Variants in FRMD1 observed in about 807,000 individuals in gnomAD.
FRMD1 encodes FERM domain containing 1, also known as FERM domain-containing protein 1.
In FRMD1, 51 loss-of-function variants were observed where a neutral mutation model predicts 54.9. That is an observed-to-expected ratio of 0.93 (90% CI 0.74 to 1.17). The LOEUF is 1.17. FRMD1 is among the 50% of genes most tolerant of loss of function. FRMD1 has a pLI of 0.00. For missense variants in FRMD1, 729 were observed against 743.0 expected, an observed-to-expected ratio of 0.98 and a Z score of 0.22; for synonymous variants, 324 against 306.4, an observed-to-expected ratio of 1.06 and a Z score of -0.60.
Position 168,066,737 on chromosome 6 carries a change from C to T in FRMD1, c.461+18G>A, listed in dbSNP as rs769538681. 8.1e-6 allele frequency: 13 copies of T among 1,605,970 alleles called. 1 individual carries two copies. The South Asian group carries it at 1.5e-4, about 18-fold the overall frequency. ...TCAGTATTCCAGGAAACACCCCTTA[C>T]AGTCCGCATGCCGTTACCTTATGAC... On this transcript the variant is annotated intron_variant, in intron 4 of 10. Transcript: ENST00000283309.
At chr6:168,071,925 G>A (rs1421818291) in intron 2 of FRMD1, among the ~76,000 whole-genome samples, 2 of 152,196 alleles carry the variant, frequency 1.3e-5, no homozygotes, top group East Asian at 1.9e-4. Flanking sequence ...CCTGCCTCCC[G>A]GGCCTCCCCA....
At chr6:168,074,517 T>C (rs1281623998) in intron 2 of FRMD1, among the ~76,000 whole-genome samples, 1 of 142,276 alleles carries the variant, frequency 7.0e-6, no homozygotes, top group African/African-American at 2.6e-5. Flanking sequence ...ATGTGTGTGG[T>C]GTATGTATGT....
At chr6:168,083,355 T>C (rs939579401), upstream of FRMD1, among the ~76,000 whole-genome samples, 2 of 152,282 alleles carry the variant, frequency 1.3e-5, no homozygotes, top group Admixed American at 1.3e-4. Context: ...TTATTTATCT[T>C]AGCAGCAGGA....
upstream of FRMD1, chr6:168,081,194 G>T: frequency 1.6e-6 from 1 of 614,242 alleles, no homozygotes; most frequent in Non-Finnish European, 2.5e-6. Context: ...CTGAAAACGT[G>T]CTGAGGCTCC....
intron 3 of FRMD1, chr6:168,067,060 C>A (rs776291672): frequency 1.4e-6 from 1 of 719,320 alleles, no homozygotes; most frequent in South Asian, 1.5e-5. Context: ...GGGCTTCGGG[C>A]GGGCACACCT....
Position 168,062,925 on chromosome 6 carries a change from C to T in FRMD1, c.839G>A (p.Gly280Glu), listed in dbSNP as rs1159797835. ...KKEGRPTVILGLALRGVHIYQ... is the reference protein window; with the variant it reads ...KKEGRPTVILELALRGVHIYQ... The stretch of plus-strand genomic sequence containing the variant: ...GATGTGCACTCCCCTGAGGGCCAGT[C>T]CCAGGATCACGGTGGGACGACCTTC... The change falls in exon 7 of 11, where the codon GGA becomes GAA. Residue 280 changes from glycine to glutamate, a missense_variant. Gly to Glu is a moderately conservative substitution (Grantham distance 98). Coordinates refer to ENST00000283309, the MANE Select transcript of FRMD1 (RefSeq NM_024919.6). The T allele has an allele frequency of 6.2e-7, 1 of 1,613,974 alleles. No individual in the cohort carries two copies. The highest frequency in any genetic ancestry group is 8.5e-7 in the Non-Finnish European group (1 of 1,179,956).
intron 1 of FRMD1, among the ~76,000 whole-genome samples, chr6:168,089,336 C>T (rs6907103): frequency 0.51 from 76,987 of 152,074 alleles, 20,252 homozygotes; most frequent in South Asian, 0.71. Flanking sequence ...TTTTAGAGAA[C>T]GTTTTTGTGG....
At chr6:168,076,566 G>A (rs1274518363) in intron 1 of FRMD1, among the ~76,000 whole-genome samples, 1 of 152,184 alleles carries the variant, frequency 6.6e-6, no homozygotes, top group Non-Finnish European at 1.5e-5. Flanking sequence ...CCTTCGCTGG[G>A]CACTCATTCT....
chr6:168,065,574 C>T, intron 4 of FRMD1: 1 of 987,128 alleles, frequency 1.0e-6, no homozygotes, highest in Non-Finnish European at 1.2e-6. Flanking sequence ...CGAACTGGCC[C>T]CATAGCACCA....
rs750208110 is a variant in FRMD1, at chr6:168,061,073, A to T, written c.1046-16T>A. Reference sequence around the variant, plus strand: ...TGCTGCTTCTCTGTGGGGAGTGGGGAGCACAGTGAGGGCGAGCTGGAGAGG... The same window carrying T: ...TGCTGCTTCTCTGTGGGGAGTGGGGTGCACAGTGAGGGCGAGCTGGAGAGG... On this transcript the variant is annotated splice_polypyrimidine_tract_variant and intron_variant, in intron 8 of 10. Transcript: ENST00000283309. The T allele has an allele frequency of 1.9e-5, 31 of 1,598,640 alleles. No individual in the cohort carries two copies. The Middle Eastern group carries it at 5.1e-4, about 26-fold the overall frequency.
At chr6:168,081,060 C>T (rs1800815379), upstream of FRMD1, among the ~76,000 whole-genome samples, 1 of 152,178 alleles carries the variant, frequency 6.6e-6, no homozygotes, top group Non-Finnish European at 1.5e-5. Flanking sequence ...TCCTTCCCAC[C>T]CAGAGTCTCA....
At chr6:168,088,360 G>C (rs1449710046) in intron 1 of FRMD1, among the ~76,000 whole-genome samples, 3 of 152,168 alleles carry the variant, frequency 2.0e-5, no homozygotes, top group African/African-American at 4.8e-5. Flanking sequence ...AGAAACTGCG[G>C]GCGGGGGAGT....
intron 5 of FRMD1, 110 bp from the exon 6 acceptor site, chr6:168,063,866 T>G: frequency 3.1e-6 from 4 of 1,289,246 alleles, no homozygotes; most frequent in Non-Finnish European, 3.1e-6. Context: ...GGTGCCAACC[T>G]CGGTGGGCAG....
At chr6:168,083,118 C>G (rs1800864181), upstream of FRMD1, among the ~76,000 whole-genome samples, 2 of 152,156 alleles carry the variant, frequency 1.3e-5, no homozygotes, top group Admixed American at 1.3e-4. Context: ...GCCACGGGGC[C>G]GTATTTATTC....
chr6:168,065,015 C>A lies in FRMD1; in HGVS notation c.504G>T (p.Glu168Asp). 6.2e-7 allele frequency: 1 copy of A among 1,611,310 alleles called. No homozygotes were observed. ...ARHLYYCHLK[E>D]RVLRSQCAHR... ...GAGCGCACTGTGACCTCAGCACGCG[C>A]TCCTTCAAGTGGCAGTAGTACAGGT... Residue 168 changes from glutamate to aspartate, a missense_variant, in exon 5 of 11, where the codon GAG becomes GAT. Transcript: ENST00000283309.
At position 168,065,039 on chromosome 6, in the gene FRMD1, G is replaced by A; in HGVS notation, c.480C>T (p.His160=). The change falls in exon 5 of 11, where the codon CAC becomes CAT. Residue 160 remains histidine, a synonymous_variant. Coordinates refer to ENST00000283309, the MANE Select transcript of FRMD1 (RefSeq NM_024919.6). ...GRVISDHRAR[H]LYYCHLKERV... ...GCTCCTTCAAGTGGCAGTAGTACAGGTGCCGTGCCCTGTGGTCGCTGGAAG... is the reference window on the plus strand; with the variant it reads ...GCTCCTTCAAGTGGCAGTAGTACAGATGCCGTGCCCTGTGGTCGCTGGAAG... 1 of 1,606,154 alleles carries A rather than the reference G, an allele frequency of 6.2e-7. No homozygotes were observed. The highest frequency in any genetic ancestry group is 1.1e-5 in the South Asian group (1 of 90,922).
rs780175735 is a variant in FRMD1 at position 168,075,371 on chromosome 6, C to G, written c.214-36G>C. ...GGTGGGGAGGGGTTCAGGGAGGGGC[C>G]GGCACCTGTCCCCAGGGAGGCCACC... On this transcript the variant is annotated intron_variant, in intron 1 of 10. Coordinates refer to ENST00000283309, the MANE Select transcript of FRMD1 (RefSeq NM_024919.6). The G allele has an allele frequency of 4.5e-6, 7 of 1,568,294 alleles. No homozygotes were observed. The South Asian group carries it at 6.6e-5, about 15-fold the overall frequency.
chr6:168,070,298 AGG>A, intron 2 of FRMD1, among the ~76,000 whole-genome samples: 1 of 101,352 alleles, frequency 9.9e-6, no homozygotes, highest in Non-Finnish European at 2.1e-5. Flanking sequence ...GAAAGAAAGA[AGG>A]AAGGAAGGAA....
At position 168,053,638 on chromosome 6, in the gene FRMD1, C is replaced by T. The variant is rs1172739221; in HGVS notation, c.*3459G>A. On this transcript the variant is annotated 3_prime_UTR_variant, in exon 11 of 11. Coordinates refer to ENST00000283309, the MANE Select transcript of FRMD1 (RefSeq NM_024919.6). ...TGGAAGGGGCCGCCTGTCCCAAACA[C>T]GGACGGCTTTTTCTGCAAGTTTTAC... 7.8e-6 allele frequency: 1 copy of T among 128,872 alleles called. No individual in the cohort carries two copies. Among genetic ancestry groups the T allele is most frequent in the Non-Finnish European group, 1.7e-5 (1 of 59,618 alleles). The allele number at this position is 128,872 out of a possible 1,614,324, so 8.0% of individuals were successfully genotyped here. A position where few individuals can be genotyped will look rare whatever the true frequency, so the allele number is the denominator to read the frequency against.
Sources: allele counts gnomAD v4.1 joint callset (sites outside exome capture counted in the v4.1 genomes callset), GRCh38; gene constraint gnomAD v4.1.1; transcripts MANE v1.5; gene names NCBI Gene and HGNC (gene_info 2026-07-23, HGNC 2026-07-21).